Variants in RFWD3 observed in about 807,000 individuals in gnomAD.
RFWD3 encodes the protein E3 ubiquitin-protein ligase RFWD3.
Under a neutral mutation model 87.7 loss-of-function variants are expected in RFWD3, and 65 were observed. That is an observed-to-expected ratio of 0.74 (90% CI 0.61 to 0.91). The LOEUF (loss-of-function observed/expected upper bound fraction) is 0.91. Ranked by LOEUF, RFWD3 falls within the 40% of genes least tolerant of loss-of-function variation. The pLI is 0.00. For synonymous variants in RFWD3, 433 were observed against 352.8 expected, an observed-to-expected ratio of 1.23 and a Z score of -2.55; for missense variants, 1,078 against 938.5, an observed-to-expected ratio of 1.15 and a Z score of -1.94.
chr16:74,637,682 G>T (rs1478969967), intron 7 of RFWD3, among the ~76,000 whole-genome samples, 174 bp downstream of exon 7: 1 of 152,156 alleles, frequency 6.6e-6, no homozygotes, highest in East Asian at 1.9e-4. Flanking sequence ...ATCATAAAGT[G>T]TGTAGTAAGT....
intron 3 of RFWD3, among the ~76,000 whole-genome samples, chr16:74,650,004 C>T (rs1960447591): frequency 6.6e-6 from 1 of 152,128 alleles, no homozygotes; most frequent in Non-Finnish European, 1.5e-5. Flanking sequence ...TCCTTTATGC[C>T]CATTTAGAGT....
At chr16:74,634,627 G>A (rs1052829260) in intron 8 of RFWD3, among the ~76,000 whole-genome samples, 4 of 152,082 alleles carry the variant, frequency 2.6e-5, no homozygotes, top group African/African-American at 4.8e-5. Context: ...GGGCCCAAAC[G>A]ATCCTCCCGC....
chr16:74,661,457 G>GA lies in RFWD3; in HGVS notation c.-2-7dup. On this transcript the variant is annotated splice_region_variant and splice_polypyrimidine_tract_variant and intron_variant, in intron 1 of 12. Coordinates refer to ENST00000361070, the MANE Select transcript of RFWD3 (RefSeq NM_018124.4). ...CATTGCTTCATGAGCCATCACTAGA[G>GA]AAACAGTATTTGTAAAAAGTATTAA... The GA allele has an allele frequency of 6.3e-7, 1 of 1,585,374 alleles. No individual in the cohort carries two copies. Among genetic ancestry groups the GA allele is most frequent in the Non-Finnish European group, 8.6e-7 (1 of 1,168,202 alleles).
intron 4 of RFWD3, among the ~76,000 whole-genome samples, chr16:74,645,965 G>A (rs1258879836): frequency 6.7e-6 from 1 of 150,340 alleles, no homozygotes; most frequent in Non-Finnish European, 1.5e-5. Flanking sequence ...AGTTAGGATG[G>A]TCTCGATCTC....
At chr16:74,637,786 C>A (rs1333967405) in intron 7 of RFWD3, 70 bp downstream of exon 7, 1 of 1,111,710 alleles carries the variant, frequency 9.0e-7, no homozygotes, top group Non-Finnish European at 1.3e-6. Context: ...CTGAGATGAA[C>A]ATAACTAACA....
intron 4 of RFWD3, among the ~76,000 whole-genome samples, chr16:74,645,344 T>C (rs913796769): frequency 1.3e-5 from 2 of 152,250 alleles, no homozygotes; most frequent in Non-Finnish European, 2.9e-5. Flanking sequence ...CTGCTAGAGA[T>C]ACCTCATGGA....
chr16:74,626,330 G>C lies in RFWD3; in HGVS notation c.2181+13C>G. On this transcript the variant is annotated intron_variant, in intron 12 of 12. Transcript: ENST00000361070. ...CTACTTTTTATATGAAAGTAAAAAA[G>C]TAACAGGCTCACCAGGGCAGAATTT... 2 of 1,608,870 alleles carry C rather than the reference G, an allele frequency of 1.2e-6. No individual in the cohort carries two copies. The highest frequency in any genetic ancestry group is 2.2e-5 in the South Asian group (2 of 90,928).
At chr16:74,633,103 C>G (rs1597416488) in intron 8 of RFWD3, among the ~76,000 whole-genome samples, 1 of 151,914 alleles carries the variant, frequency 6.6e-6, no homozygotes, top group East Asian at 1.9e-4. Flanking sequence ...ACAGTGAAAC[C>G]CTGTCTCTAC....
intron 2 of RFWD3, among the ~76,000 whole-genome samples, chr16:74,654,771 A>G (rs1477115422): frequency 6.6e-6 from 1 of 152,230 alleles, no homozygotes; most frequent in African/African-American, 2.4e-5. Flanking sequence ...ACAACAGCGA[A>G]TACATGAATG....
chr16:74,638,052 G>C lies in RFWD3; in HGVS notation c.1080-82C>G, dbSNP rs1050878363. ...ATCCAGGTGGCAGAGTTAAGTTCAT[G>C]CTATGATGCACGTTCTTTGCTGTAA... On this transcript the variant is annotated intron_variant, in intron 6 of 12. Coordinates refer to ENST00000361070, the MANE Select transcript of RFWD3 (RefSeq NM_018124.4). The C allele has an allele frequency of 3.7e-6, 3 of 805,102 alleles. No individual in the cohort carries two copies. The African/African-American group carries it at 5.1e-5, about 14-fold the overall frequency. 49.9% of individuals were successfully genotyped at this position (805,102 alleles called of 1,614,324 possible). A position where few individuals can be genotyped will look rare whatever the true frequency, so the allele number is the denominator to read the frequency against.
chr16:74,655,498 C>G (rs928434444), intron 2 of RFWD3, among the ~76,000 whole-genome samples: 66 of 151,776 alleles, frequency 4.3e-4, no homozygotes, highest in African/African-American at 1.5e-3. Context: ...TCGCCCGCCT[C>G]GGCCTCCCAA....
intron 3 of RFWD3, among the ~76,000 whole-genome samples, chr16:74,650,890 GA>G (rs142592065): frequency 3.1e-3 from 433 of 141,422 alleles, no homozygotes; most frequent in African/African-American, 5.6e-3. Context: ...AAAAACAAAT[GA>G]AAAAAAAAAC....
In RFWD3 at chr16:74,636,420, C is replaced by T. The variant is rs759194011; in HGVS notation, c.1352G>A (p.Arg451Gln). 1.1e-5 allele frequency: 18 copies of T among 1,614,020 alleles called. No individual in the cohort carries two copies. Among genetic ancestry groups the T allele is most frequent in the African/African-American group, 5.3e-5 (4 of 74,906 alleles). The change falls in exon 8 of 13, where the codon CGG (arginine) becomes CAG (glutamine). Residue 451 changes from arginine to glutamine, a missense_variant. Transcript: ENST00000361070. ...CAGAGCATCACAGTATGCCATGATCCGGCAGTTTCCTGCCTGAGATACTGT... is the reference window on the plus strand; with the variant it reads ...CAGAGCATCACAGTATGCCATGATCTGGCAGTTTCCTGCCTGAGATACTGT... Reference protein sequence around the residue: ...TFTVSQAGNCRIMAYCDALSC... With the variant: ...TFTVSQAGNCQIMAYCDALSC...
chr16:74,663,694 T>C (rs1169963664), intron 1 of RFWD3, among the ~76,000 whole-genome samples: 1 of 152,128 alleles, frequency 6.6e-6, no homozygotes, highest in African/African-American at 2.4e-5. Flanking sequence ...GCAAACAGGG[T>C]ATGATATGCA....
In RFWD3 at chr16:74,636,684, G is replaced by C. The variant is rs1677943663; in HGVS notation, c.1195-107C>G. 1.4e-5 allele frequency: 12 copies of C among 837,566 alleles called. No individual in the cohort carries two copies. In the South Asian group the frequency reaches 2.1e-4, roughly 15 times the overall value. 51.9% of individuals were successfully genotyped at this position (837,566 alleles called of 1,614,324 possible). ...AAGATTTTTTATCCATTATATGAAA[G>C]TGTTAACATGAATCCTAGAGAACTG... On this transcript the variant is annotated intron_variant, in intron 7 of 12. Coordinates refer to ENST00000361070, the MANE Select transcript of RFWD3 (RefSeq NM_018124.4).
At chr16:74,624,204 C>T (rs1755202315) in intron 12 of RFWD3, 133 bp from the exon 13 acceptor site, 6 of 1,076,250 alleles carry the variant, frequency 5.6e-6, no homozygotes, top group Non-Finnish European at 7.8e-6. Flanking sequence ...CTGTCCCTAA[C>T]CTTTGCAAGG....
Position 74,624,047 on chromosome 16 carries a change from A to ACGAGCCACTGG in RFWD3, c.2195_2205dup (p.Leu736ProfsTer23). 6.2e-7 allele frequency: 1 copy of ACGAGCCACTGG among 1,613,698 alleles called. No homozygotes were observed. Among genetic ancestry groups the ACGAGCCACTGG allele is most frequent in the South Asian group, 1.1e-5 (1 of 91,046 alleles). On this transcript the variant is annotated frameshift_variant, in exon 13 of 13. Transcript: ENST00000361070. LOFTEE classifies it high-confidence loss of function. Reference sequence around the variant, plus strand: ...TGATCGGTCTGTAGGTCCTGGAGCAACGAGCCACTGGCAGCATCCCACAGC... The same window carrying ACGAGCCACTGG: ...TGATCGGTCTGTAGGTCCTGGAGCAACGAGCCACTGGCGAGCCACTGGCAGCATCCCACAGC...
At chr16:74,661,998 T>G (rs1387943822) in intron 1 of RFWD3, among the ~76,000 whole-genome samples, 1 of 151,998 alleles carries the variant, frequency 6.6e-6, no homozygotes, top group African/African-American at 2.4e-5. Flanking sequence ...TCCTATCCCT[T>G]TCATTATTTT....
chr16:74,651,862 G>C, intron 3 of RFWD3, 58 bp downstream of exon 3: 1 of 1,500,676 alleles, frequency 6.7e-7, no homozygotes, highest in South Asian at 1.2e-5. Context: ...CTAGCCTTCC[G>C]AAATTTAAGC....
Sources: allele counts gnomAD v4.1 joint callset (sites outside exome capture counted in the v4.1 genomes callset), GRCh38; gene constraint gnomAD v4.1.1; transcripts MANE v1.5; gene names NCBI Gene and HGNC (gene_info 2026-07-23, HGNC 2026-07-21).